Variants in AGRN observed in about 807,000 individuals in gnomAD.
AGRN encodes the protein agrin proteoglycan.
AGRN carries 106 observed loss-of-function variants against 211.0 expected under a neutral mutation model. That is an observed-to-expected ratio of 0.50 (90% confidence interval 0.43 to 0.59). The LOEUF is 0.59. AGRN is among the 20% of genes least tolerant of loss of function. The probability of loss-of-function intolerance (pLI) is 0.00; values close to 1 mark genes in which losing one functional copy is unlikely to be tolerated. For synonymous variants in AGRN, 1,525 were observed against 1,332.5 expected (o/e 1.14, Z -3.15); for missense variants, 3,040 against 2,982.6 (o/e 1.02, Z -0.45).
In AGRN at chr1:1,046,735, G is replaced by T. The variant is rs1377789253; in HGVS notation, c.3250G>T (p.Gly1084Trp). 6.3e-7 allele frequency: 1 copy of T among 1,580,904 alleles called. No individual in the cohort carries two copies. Among genetic ancestry groups the T allele is most frequent in the Non-Finnish European group, 8.5e-7 (1 of 1,170,086 alleles). ...GGAGGCCAGTGGGGGTGGCTCTGGG[G>T]GTGAGCAGGGATCAAGGACTTGGGG... Reference protein sequence around the residue: ...DQEASGGGSGGLEPLEGSSVA... With the variant: ...DQEASGGGSGWLEPLEGSSVA... The change falls in exon 18 of 36, where the codon GGG (glycine) becomes TGG (tryptophan). Residue 1084 changes from glycine (G) to tryptophan (W), a missense_variant and splice_region_variant. Gly to Trp is a radical substitution (Grantham distance 184). Around this residue, in one of 3 missense-constraint regions of AGRN, gnomAD observed 1,537 missense variants for 1,505.0 expected, o/e 1.02. Transcript: ENST00000379370.
Position 1,046,678 on chromosome 1 carries a change from G to A in AGRN, c.3193G>A (p.Gly1065Arg). Residue 1065 changes from glycine to arginine, a missense_variant, in exon 18 of 36, where the codon GGA (glycine) becomes AGA (arginine). By Grantham distance (125) the Gly-to-Arg change is moderately radical. Transcript: ENST00000379370. Reference protein sequence around the residue: ...SAFGESGSTDGSSDEELSGDQ... With the variant: ...SAFGESGSTDRSSDEELSGDQ... ...CTTTGGTGAATCTGGCAGCACTGATGGAAGCAGCGATGAGGAACTGAGCGG... is the reference window on the plus strand; with the variant it reads ...CTTTGGTGAATCTGGCAGCACTGATAGAAGCAGCGATGAGGAACTGAGCGG... 1 of 1,589,056 alleles carries A rather than the reference G, an allele frequency of 6.3e-7. No individual in the cohort carries two copies.
intron 3 of AGRN, 89 bp from the exon 4 acceptor site, chr1:1,040,576 C>A: frequency 6.8e-7 from 1 of 1,464,788 alleles, no homozygotes; most frequent in Non-Finnish European, 9.2e-7. Context: ...GGTGAATGCG[C>A]GGGCTGCGAG....
At chr1:1,034,783 C>T (rs1025391525) in intron 2 of AGRN, 2 of 929,354 alleles carry the variant, frequency 2.2e-6, no homozygotes, top group African/African-American at 1.8e-5. Context: ...GAGGCCGCGG[C>T]GGGTCCGCGG....
At chr1:1,054,035 G>GT in intron 34 of AGRN, 58 bp downstream of exon 34, 1 of 1,516,292 alleles carries the variant, frequency 6.6e-7, no homozygotes, top group Non-Finnish European at 8.9e-7. Flanking sequence ...GACTTGCCCA[G>GT]CTGGGCTGTG....
At chr1:1,045,120 C>T in intron 12 of AGRN, 41 bp from the exon 13 acceptor site, 1 of 1,598,040 alleles carries the variant, frequency 6.3e-7, no homozygotes, top group Non-Finnish European at 8.6e-7. Flanking sequence ...GGTGGGTGTC[C>T]AGCACTGCAT....
Position 1,033,798 on chromosome 1 carries a change from C to T in AGRN, c.464-1479C>T, listed in dbSNP as rs1396297338. On this transcript the variant is annotated intron_variant, in intron 2 of 35. Coordinates refer to ENST00000379370, the MANE Select transcript of AGRN (RefSeq NM_198576.4). ...CGGCCCAGCCCCAGCCCCAGCGCTCCCGGCCCCGGGCCCAGCCCCAGCCCC... is the reference window on the plus strand; with the variant it reads ...CGGCCCAGCCCCAGCCCCAGCGCTCTCGGCCCCGGGCCCAGCCCCAGCCCC... 2.0e-5 allele frequency among the ~76,000 whole-genome samples: 3 copies of T among 147,542 alleles called. No homozygotes were observed. The East Asian group carries it at 6.1e-4, about 30-fold the overall frequency.
Position 1,051,631 on chromosome 1 carries a change from C to A in AGRN, c.5549C>A (p.Pro1850Gln), listed in dbSNP as rs374138541. The A allele has an allele frequency of 6.2e-7, 1 of 1,611,418 alleles. No homozygotes were observed. The highest frequency in any genetic ancestry group is 8.5e-7 in the Non-Finnish European group (1 of 1,179,006). ...CTGTGTCCCGGGGGATTCTCAGGAC[C>A]GCACTGCGAGAAGGGTGAGCCTGGC... ...VCLCPGGFSG[P>Q]HCEKGLVEKS... The change falls in exon 32 of 36, where the codon CCG becomes CAG. Residue 1850 changes from proline to glutamine, a missense_variant. Coordinates refer to ENST00000379370, the MANE Select transcript of AGRN (RefSeq NM_198576.4).
chr1:1,051,354 C>T lies in AGRN; in HGVS notation c.5355C>T (p.Asp1785=), dbSNP rs372556198. The T allele has an allele frequency of 5.6e-5, 85 of 1,514,490 alleles. No homozygotes were observed. Among genetic ancestry groups the T allele is most frequent in the East Asian group, 2.1e-4 (8 of 38,790 alleles). 93.8% of individuals were successfully genotyped at this position (1,514,490 alleles called of 1,614,324 possible). A position where few individuals can be genotyped will look rare whatever the true frequency, so the allele number is the denominator to read the frequency against. Residue 1785 remains aspartate, a synonymous_variant, in exon 31 of 36, where the codon GAC becomes GAT. Transcript: ENST00000379370. ...ARAAAVSSGF[D]GAIQLVSLGG... is the part of the protein sequence containing the mutation. ...CTGCTGCCGTGTCCTCTGGCTTCGA[C>T]GGTGCCATCCAGCTGGTATGTGGGG... is the stretch of plus-strand genomic sequence containing the variant.
intron 2 of AGRN, among the ~76,000 whole-genome samples, chr1:1,025,842 G>T (rs1216576733): frequency 6.6e-6 from 1 of 151,902 alleles, no homozygotes; most frequent in East Asian, 1.9e-4. Context: ...GAGCTGGGAG[G>T]GGGGTCTGCC....
chr1:1,035,173 G>C (rs1278824919), intron 2 of AGRN, 104 bp from the exon 3 acceptor site: 47 of 1,105,732 alleles, frequency 4.3e-5, no homozygotes, highest in East Asian at 2.5e-4. Flanking sequence ...TAGCGGTGGG[G>C]GGGGGGGGGT....
chr1:1,051,162 G>T, intron 30 of AGRN, 91 bp from the exon 31 acceptor site: 1 of 1,501,672 alleles, frequency 6.7e-7, no homozygotes, highest in South Asian at 1.2e-5. Flanking sequence ...GATAGGCAAT[G>T]GGCGGGTGGG....
chr1:1,035,192 G>C, intron 2 of AGRN, 85 bp from the exon 3 acceptor site: 2 of 1,438,740 alleles, frequency 1.4e-6, no homozygotes, highest in South Asian at 2.3e-5. Context: ...GTGGGCAGGG[G>C]TGCCCCTTTC....
Position 1,039,780 on chromosome 1 carries a change from G to A in AGRN, c.512-885G>A, listed in dbSNP as rs1644885484. On this transcript the variant is annotated intron_variant, in intron 3 of 35. Transcript: ENST00000379370. ...GCTTTGACAGAGAGTGAGGGCGATG[G>A]AGGAGGCAAGAGTGAGGTGGGGGGC... Among the ~76,000 whole-genome samples the A allele has an allele frequency of 2.0e-5, 3 of 152,104 alleles. No individual in the cohort carries two copies. In the South Asian group the frequency reaches 6.2e-4, roughly 32 times the overall value.
Position 1,051,364 on chromosome 1 carries a change from C to T in AGRN, c.5365C>T (p.Gln1789Ter). The change falls in exon 31 of 36, where the codon CAG becomes TAG. Residue 1789 changes from glutamine (Q) to a stop codon, truncating the protein, a stop_gained. Transcript: ENST00000379370. LOFTEE classifies it high-confidence loss of function. ...GTCCTCTGGCTTCGACGGTGCCATCCAGCTGGTATGTGGGGGCGGGGCGTC... is the reference window on the plus strand; with the variant it reads ...GTCCTCTGGCTTCGACGGTGCCATCTAGCTGGTATGTGGGGGCGGGGCGTC... ...AVSSGFDGAI[Q>*]LVSLGGRQLL... 2 of 1,564,358 alleles carry T rather than the reference C, an allele frequency of 1.3e-6. No individual in the cohort carries two copies. The highest frequency in any genetic ancestry group is 1.7e-6 in the Non-Finnish European group (2 of 1,155,820).
At chr1:1,020,429 C>T (rs1289831055) in intron 1 of AGRN, 56 bp downstream of exon 1, 7 of 1,462,894 alleles carry the variant, frequency 4.8e-6, no homozygotes, top group Admixed American at 2.3e-5. Flanking sequence ...CCGCCGGGAC[C>T]CCCGCCCCAG....
At chr1:1,029,734 T>C (rs1201417621) in intron 2 of AGRN, among the ~76,000 whole-genome samples, 2 of 106,830 alleles carry the variant, frequency 1.9e-5, no homozygotes, top group Non-Finnish European at 4.1e-5. Flanking sequence ...TGCATGGTGC[T>C]GTGAGATCAG....
Position 1,043,598 on chromosome 1 carries a change from GC to G in AGRN, c.1668del (p.Ser557LeufsTer175). 6.2e-7 allele frequency: 1 copy of G among 1,605,040 alleles called. No homozygotes were observed. On this transcript the variant is annotated frameshift_variant, in exon 9 of 36. Coordinates refer to ENST00000379370, the MANE Select transcript of AGRN (RefSeq NM_198576.4). LOFTEE classifies it high-confidence loss of function. ...GAGGCCGAGACCGGGCGCTGCGTGT[GC>G]CCCTCTGAATGCGTGGCTTTGGCCC... ...LCEAETGRCV[C>X]PSECVALAQP...
Position 1,054,998 on chromosome 1 carries a change from C to T in AGRN, c.*17C>T, listed in dbSNP as rs758552329. On this transcript the variant is annotated 3_prime_UTR_variant, in exon 36 of 36. Coordinates refer to ENST00000379370, the MANE Select transcript of AGRN (RefSeq NM_198576.4). ...ACCCCATGAGCTGGCACCAGAGCCCCGCGCCCGCTGTAATTATTTTCTATT... is the reference window on the plus strand; with the variant it reads ...ACCCCATGAGCTGGCACCAGAGCCCTGCGCCCGCTGTAATTATTTTCTATT... 56 of 1,547,600 alleles carry T rather than the reference C, an allele frequency of 3.6e-5. No individual in the cohort carries two copies. The highest frequency in any genetic ancestry group is 4.4e-5 in the Non-Finnish European group (50 of 1,146,794).
rs199876002 is a variant in AGRN, at chr1:1,049,746, G to C, written c.4695G>C (p.Gln1565His). The C allele has an allele frequency of 1.3e-3, 2,132 of 1,579,520 alleles. 22 individuals carry two copies. The African/African-American group carries it at 0.026, about 20-fold the overall frequency. Residue 1565 changes from glutamine to histidine, a missense_variant, in exon 26 of 36, where the codon CAG becomes CAC. Transcript: ENST00000379370. ...CCTGCCATGGCGGGGCCCCATGCCA[G>C]AACCTGGAGGCTGGAAGGTTCCATT... ...PNPCHGGAPC[Q>H]NLEAGRFHCQ... is the part of the protein sequence containing the mutation.
Sources: allele counts gnomAD v4.1 joint callset (sites outside exome capture counted in the v4.1 genomes callset), GRCh38; gene constraint gnomAD v4.1.1; regional missense constraint gnomAD v4.1.1; transcripts MANE v1.5; gene names NCBI Gene and HGNC (gene_info 2026-07-23, HGNC 2026-07-21).